Variants in PRDM16 observed in about 807,000 individuals in gnomAD.
The protein encoded by PRDM16 is PR/SET domain 16, also known as histone-lysine N-methyltransferase PRDM16.
A neutral mutation model predicts 110.6 loss-of-function variants in PRDM16; 23 were observed. That is an observed-to-expected ratio of 0.21 (90% CI 0.15 to 0.29). PRDM16 has a LOEUF of 0.29. PRDM16 is among the 10% of genes least tolerant of loss of function. The pLI, the probability that PRDM16 is intolerant of heterozygous loss-of-function variation, is 1.00. For synonymous variants in PRDM16, 799 were observed against 781.8 expected, an observed-to-expected ratio of 1.02 and a Z score of -0.37; for missense variants, 1,615 against 1,794.3, an observed-to-expected ratio of 0.90 and a Z score of 1.81.
intron 2 of PRDM16, among the ~76,000 whole-genome samples, chr1:3,202,168 C>T (rs771782035): frequency 9.2e-5 from 14 of 152,296 alleles, no homozygotes; most frequent in Middle Eastern, 3.4e-3. Context: ...ACCCGCATGA[C>T]CTCATGGTAG....
At chr1:3,199,204 G>A (rs1482499910) in intron 2 of PRDM16, among the ~76,000 whole-genome samples, 1 of 152,210 alleles carries the variant, frequency 6.6e-6, no homozygotes, top group Non-Finnish European at 1.5e-5. Flanking sequence ...GGGGACAGAA[G>A]CTGCCAATGG....
At chr1:3,263,698 C>G (rs1468262604) in intron 3 of PRDM16, among the ~76,000 whole-genome samples, 6 of 152,256 alleles carry the variant, frequency 3.9e-5, no homozygotes, top group African/African-American at 1.4e-4. Flanking sequence ...CAGGCCCTCA[C>G]AGCCCTGACC....
At chr1:3,284,663 ACT>A (rs1214642951) in intron 3 of PRDM16, among the ~76,000 whole-genome samples, 1 of 152,128 alleles carries the variant, frequency 6.6e-6, no homozygotes, top group Admixed American at 6.5e-5. Flanking sequence ...CTTCAGATAG[ACT>A]CTGTGGCCTT....
At chr1:3,161,234 C>T (rs993086257) in intron 1 of PRDM16, among the ~76,000 whole-genome samples, 2 of 152,128 alleles carry the variant, frequency 1.3e-5, no homozygotes, top group African/African-American at 2.4e-5. Context: ...GGCGAAGGAG[C>T]GCTTCGGCTC....
intron 4 of PRDM16, among the ~76,000 whole-genome samples, chr1:3,387,589 G>A (rs1214459094): frequency 1.3e-5 from 2 of 152,144 alleles, no homozygotes; most frequent in Non-Finnish European, 2.9e-5. Flanking sequence ...GGCCACCGAC[G>A]CTCCTGCCCA....
At chr1:3,417,740 G>C in intron 10 of PRDM16, 88 bp from the exon 11 acceptor site, 1 of 1,121,856 alleles carries the variant, frequency 8.9e-7, no homozygotes, top group Non-Finnish European at 1.3e-6. Flanking sequence ...CCTAAGATAT[G>C]CTGTTGTACA....
intron 1 of PRDM16, among the ~76,000 whole-genome samples, chr1:3,114,507 CACACACACATGA>C (rs1350109837): frequency 1.4e-5 from 2 of 143,922 alleles, no homozygotes; most frequent in African/African-American, 5.1e-5. Flanking sequence ...CACGCGCATG[CACACACACATGA>C]ACACACGCAC....
rs571488351 is a variant in PRDM16, at chr1:3,081,195, T to C, written c.37+11899T>C. 3.8e-4 allele frequency among the ~76,000 whole-genome samples: 58 copies of C among 152,318 alleles called. No homozygotes were observed. The highest frequency in any genetic ancestry group is 1.3e-3 in the African/African-American group (54 of 41,574). On this transcript the variant is annotated intron_variant, in intron 1 of 16. Coordinates refer to ENST00000270722, the MANE Select transcript of PRDM16 (RefSeq NM_022114.4). The surrounding 1 kb of genome is among the most constrained non-coding windows in gnomAD (Gnocchi z 4.6). ...GATAAAGCCGCTAAAAGCTGCTGTTTGTTATTGAATCTCATCTGCTAATTA... is the reference window on the plus strand; with the variant it reads ...GATAAAGCCGCTAAAAGCTGCTGTTCGTTATTGAATCTCATCTGCTAATTA...
intron 3 of PRDM16, among the ~76,000 whole-genome samples, chr1:3,271,223 A>C (rs1246901506): frequency 1.3e-5 from 2 of 152,192 alleles, no homozygotes; most frequent in African/African-American, 4.8e-5. Flanking sequence ...ATATCCCTCG[A>C]GGAAGGAACG....
intron 3 of PRDM16, among the ~76,000 whole-genome samples, chr1:3,349,865 C>G (rs900498660): frequency 3.9e-5 from 6 of 152,212 alleles, no homozygotes; most frequent in Admixed American, 3.3e-4. Flanking sequence ...GCCCCCGCAG[C>G]CTCCAAAGCC....
At chr1:3,131,123 C>T (rs1026973261) in intron 1 of PRDM16, among the ~76,000 whole-genome samples, 5 of 152,152 alleles carry the variant, frequency 3.3e-5, no homozygotes, top group East Asian at 1.9e-4. Context: ...CGAGCTGTGC[C>T]GCAGCCACAG....
At chr1:3,374,229 G>A (rs1642955662) in intron 3 of PRDM16, among the ~76,000 whole-genome samples, 1 of 152,282 alleles carries the variant, frequency 6.6e-6, no homozygotes, top group South Asian at 2.1e-4. Flanking sequence ...ATCAACACAA[G>A]ACCCTTCTCT....
intron 5 of PRDM16, among the ~76,000 whole-genome samples, chr1:3,400,737 T>C (rs1270819370): frequency 6.6e-6 from 1 of 152,166 alleles, no homozygotes; most frequent in Non-Finnish European, 1.5e-5. Flanking sequence ...AGTGCTTTCC[T>C]GAGGTTCAGG....
chr1:3,234,276 G>A (rs941229661), intron 2 of PRDM16, among the ~76,000 whole-genome samples: 3 of 152,126 alleles, frequency 2.0e-5, no homozygotes, highest in African/African-American at 7.2e-5. Flanking sequence ...CCCGAGACAG[G>A]GGCTTTCAGA....
At chr1:3,097,249 T>C (rs1192335050) in intron 1 of PRDM16, among the ~76,000 whole-genome samples, 1 of 152,200 alleles carries the variant, frequency 6.6e-6, no homozygotes, top group African/African-American at 2.4e-5. Context: ...GGGTCATCTG[T>C]TGTCCGTGTG....
At chr1:3,079,198 C>T (rs547027848) in intron 1 of PRDM16, among the ~76,000 whole-genome samples, 76 of 152,366 alleles carry the variant, frequency 5.0e-4, no homozygotes, top group Admixed American at 1.8e-3. Flanking sequence ...ACTGTGCTCC[C>T]GAGTGAAGGC....
At chr1:3,125,174 G>A (rs1014430575) in intron 1 of PRDM16, among the ~76,000 whole-genome samples, 5 of 152,276 alleles carry the variant, frequency 3.3e-5, no homozygotes, top group Non-Finnish European at 7.3e-5. Context: ...GCACCCCGCA[G>A]CTGCACCTCC....
intron 1 of PRDM16, among the ~76,000 whole-genome samples, chr1:3,181,309 G>GCC (rs1644171739): frequency 1.3e-5 from 1 of 78,792 alleles, no homozygotes; most frequent in Non-Finnish European, 2.9e-5. Context: ...CTTACACACG[G>GCC]TCTTACACAC....
rs1454345848 is a variant in PRDM16 at position 3,431,957 on chromosome 1, T to C, written c.3522-9T>C. 4.4e-6 allele frequency: 7 copies of C among 1,608,810 alleles called. No homozygotes were observed. Among genetic ancestry groups the C allele is most frequent in the African/African-American group, 1.3e-5 (1 of 74,810 alleles). ...AGCAGGCCTTCCCTCTCCCCGGTCA[T>C]TGGTGCAGGTGTGCTGAGGACCACG... is the stretch of plus-strand genomic sequence containing the variant. On this transcript the variant is annotated splice_polypyrimidine_tract_variant and intron_variant, in intron 15 of 16. Transcript: ENST00000270722.
Sources: allele counts gnomAD v4.1 joint callset (sites outside exome capture counted in the v4.1 genomes callset), GRCh38; gene constraint gnomAD v4.1.1; non-coding constraint Gnocchi (gnomAD v3.1); transcripts MANE v1.5; gene names NCBI Gene and HGNC (gene_info 2026-07-23, HGNC 2026-07-21).